The following SUSD4 variants were observed in gnomAD, a reference collection of about 807,000 sequenced individuals.
SUSD4 encodes the protein sushi domain-containing protein 4.
SUSD4 carries 41 observed loss-of-function variants against 50.5 expected under a neutral mutation model. That is an observed-to-expected ratio of 0.81 (90% CI 0.63 to 1.05). The LOEUF (loss-of-function observed/expected upper bound fraction) is 1.05. Ranked by LOEUF, SUSD4 falls within the 50% of genes least tolerant of loss-of-function variation. The probability of loss-of-function intolerance (pLI) is 0.00; values close to 1 mark genes in which losing one functional copy is unlikely to be tolerated. For synonymous variants in SUSD4, 257 were observed against 257.3 expected, an observed-to-expected ratio of 1.00 and a Z score of 0.01; for missense variants, 580 against 634.7, an observed-to-expected ratio of 0.91 and a Z score of 0.93.
chr1:223,247,636 G>A (rs1661028308), intron 5 of SUSD4, among the ~76,000 whole-genome samples: 1 of 152,142 alleles, frequency 6.6e-6, no homozygotes, highest in Non-Finnish European at 1.5e-5. Flanking sequence ...TATTATTACT[G>A]TCACACCTCT....
chr1:223,262,020 G>A (rs376555779), intron 5 of SUSD4, among the ~76,000 whole-genome samples: 93 of 152,290 alleles, frequency 6.1e-4, no homozygotes, highest in African/African-American at 2.2e-3. Context: ...AAGCCAGTCC[G>A]TCTGAGGTCA....
intron 3 of SUSD4, among the ~76,000 whole-genome samples, chr1:223,292,037 T>C (rs1285665231): frequency 6.6e-6 from 1 of 152,238 alleles, no homozygotes; most frequent in African/African-American, 2.4e-5. Context: ...GTAATTGATT[T>C]AATCCTCTGA....
intron 5 of SUSD4, chr1:223,235,194 A>G: frequency 3.0e-6 from 4 of 1,343,308 alleles, no homozygotes; most frequent in Non-Finnish European, 4.0e-6. Context: ...TAAAAAAAAT[A>G]AAGACTTTAT....
chr1:223,234,110 A>G (rs1660064970), intron 5 of SUSD4, among the ~76,000 whole-genome samples: 1 of 152,202 alleles, frequency 6.6e-6, no homozygotes, highest in Non-Finnish European at 1.5e-5. Context: ...AACTTCCCAG[A>G]GGTGGGCTAC....
intron 5 of SUSD4, among the ~76,000 whole-genome samples, chr1:223,257,225 T>G (rs1450123832): frequency 2.6e-5 from 4 of 152,104 alleles, no homozygotes; most frequent in Non-Finnish European, 5.9e-5. Context: ...GATGACGGGC[T>G]GGGTGCGGTG....
chr1:223,268,013 T>TTA lies in SUSD4; in HGVS notation c.535+487_535+488dup, dbSNP rs59885860. Among the ~76,000 whole-genome samples, 441 of 53,372 alleles carry TTA rather than the reference T, an allele frequency of 8.3e-3. 20 individuals are homozygous for TTA. The highest frequency in any genetic ancestry group is 0.015 in the Middle Eastern group (1 of 68). 35.0% of individuals were successfully genotyped at this position (53,372 alleles called of 152,430 possible). ...AATTTTTCTGCTCTTCATGCATTTT[T>TTA]TATATATATATATATATATATATAT... On this transcript the variant is annotated intron_variant, in intron 4 of 8. Coordinates refer to ENST00000366878, the MANE Select transcript of SUSD4 (RefSeq NM_017982.4).
At chr1:223,303,507 A>G (rs545748480) in intron 2 of SUSD4, among the ~76,000 whole-genome samples, 6 of 148,710 alleles carry the variant, frequency 4.0e-5, no homozygotes, top group East Asian at 1.9e-4. Flanking sequence ...AGGACATTCA[A>G]TAGTTTTTGA....
chr1:223,249,746 C>T (rs1003689447), intron 5 of SUSD4, among the ~76,000 whole-genome samples: 20 of 152,196 alleles, frequency 1.3e-4, no homozygotes, highest in Admixed American at 9.8e-4. Flanking sequence ...AGAATTTTAT[C>T]AGTATTTCTT....
At chr1:223,271,062 C>A (rs1662886884) in intron 3 of SUSD4, among the ~76,000 whole-genome samples, 1 of 151,682 alleles carries the variant, frequency 6.6e-6, no homozygotes, top group Non-Finnish European at 1.5e-5. Flanking sequence ...TTATTCACAG[C>A]AAATAAAAAC....
chr1:223,349,463 T>C (rs886952344), intron 2 of SUSD4, among the ~76,000 whole-genome samples: 2 of 152,188 alleles, frequency 1.3e-5, no homozygotes, highest in African/African-American at 4.8e-5. Context: ...TTTGATTAGA[T>C]TAGAGCAAAT....
At chr1:223,303,432 C>T (rs374735153) in intron 2 of SUSD4, among the ~76,000 whole-genome samples, 1 of 152,212 alleles carries the variant, frequency 6.6e-6, no homozygotes, top group Non-Finnish European at 1.5e-5. Context: ...GAACCTGAGT[C>T]TTCCAAAGAG....
rs529551400 is a variant in SUSD4, at chr1:223,307,734, C to T, written c.149-15083G>A. Among the ~76,000 whole-genome samples the T allele has an allele frequency of 3.9e-5, 6 of 152,288 alleles. No individual in the cohort carries two copies. The South Asian group carries it at 8.3e-4, about 21-fold the overall frequency. On this transcript the variant is annotated intron_variant, in intron 2 of 8. Transcript: ENST00000366878. ...AAGAAGACTGTGTTCTTTCACTACC[C>T]GGGTTATCCACGGTGCTGGTGACAG...
At chr1:223,324,082 C>T (rs550454132) in intron 2 of SUSD4, among the ~76,000 whole-genome samples, 16 of 150,244 alleles carry the variant, frequency 1.1e-4, no homozygotes, top group East Asian at 7.8e-4. Flanking sequence ...TTGGCACATC[C>T]GACTGACTGC....
intron 2 of SUSD4, among the ~76,000 whole-genome samples, chr1:223,356,129 A>C (rs1668651275): frequency 1.3e-5 from 2 of 151,904 alleles, no homozygotes; most frequent in South Asian, 4.2e-4. Flanking sequence ...CAATACTCTC[A>C]ATTAAGAAGC....
chr1:223,349,456 G>A (rs901608778), intron 2 of SUSD4, among the ~76,000 whole-genome samples: 9 of 152,160 alleles, frequency 5.9e-5, no homozygotes, highest in African/African-American at 1.9e-4. Flanking sequence ...GCAGTAGTTT[G>A]ATTAGATTAG....
At chr1:223,257,708 A>C (rs1661796155) in intron 5 of SUSD4, among the ~76,000 whole-genome samples, 1 of 152,130 alleles carries the variant, frequency 6.6e-6, no homozygotes, top group Admixed American at 6.5e-5. Flanking sequence ...AATAGTTTCA[A>C]GTTTATCAGA....
chr1:223,257,555 C>T (rs1030355145), intron 5 of SUSD4, among the ~76,000 whole-genome samples: 4 of 152,098 alleles, frequency 2.6e-5, no homozygotes, highest in South Asian at 2.1e-4. Context: ...CACTGGGGTA[C>T]GGTGGGTTGG....
In SUSD4 at chr1:223,231,091, C is replaced by A. The variant is rs777831987; in HGVS notation, c.725-1703G>T. Among the ~76,000 whole-genome samples, 3 of 151,972 alleles carry A rather than the reference C, an allele frequency of 2.0e-5. No homozygotes were observed. Among genetic ancestry groups the A allele is most frequent in the Non-Finnish European group, 4.4e-5 (3 of 67,980 alleles). Reference sequence around the variant, plus strand: ...GATGAAGGGGTCTCGTTGCTGGGGTCCCTAGTGGAAGGTGGAACCATGGAG... The same window carrying A: ...GATGAAGGGGTCTCGTTGCTGGGGTACCTAGTGGAAGGTGGAACCATGGAG... On this transcript the variant is annotated intron_variant, in intron 5 of 8. Transcript: ENST00000366878. The surrounding 1 kb of genome is among the most constrained non-coding windows in gnomAD (Gnocchi z 4.2).
intron 5 of SUSD4, chr1:223,263,649 C>G: frequency 1.0e-6 from 1 of 985,352 alleles, no homozygotes; most frequent in Non-Finnish European, 1.2e-6. Context: ...TTCCATGGCT[C>G]CAGCCAACCC....
Sources: gnomAD v4.1 joint callset for allele counts (sites outside exome capture counted in the v4.1 genomes callset) on GRCh38, gnomAD v4.1.1 for gene constraint, Gnocchi (gnomAD v3.1) non-coding constraint, MANE v1.5 for transcripts, NCBI Gene and HGNC (gene_info 2026-07-23, HGNC 2026-07-21) for gene names.